MID1: variants seen among roughly 807,000 people sequenced by gnomAD.
The protein encoded by MID1 is E3 ubiquitin-protein ligase Midline-1.
In MID1, 7 loss-of-function variants were observed where a neutral mutation model predicts 40.4. That is an observed-to-expected ratio of 0.17 (90% CI 0.10 to 0.33). The LOEUF is 0.33. Ranked by LOEUF, MID1 falls within the 10% of genes least tolerant of loss-of-function variation. The pLI is 1.00. For synonymous variants in MID1, 229 were observed against 221.2 expected (o/e 1.04, Z -0.31); for missense variants, 367 against 558.5 (o/e 0.66, Z 3.46).
At chrX:10,460,605 C>T (rs1928967921) in intron 7 of MID1, among the ~76,000 whole-genome samples, 1 of 111,029 alleles carries the variant, frequency 9.0e-6, no homozygotes, top group African/African-American at 3.3e-5. Context: ...TTTCCAAACC[C>T]TTGGTGACCA....
At chrX:10,528,881 A>C (rs1602353402) in intron 2 of MID1, among the ~76,000 whole-genome samples, 1 of 112,156 alleles carries the variant, frequency 8.9e-6, no homozygotes, top group East Asian at 2.8e-4. Context: ...AATAATCTGA[A>C]GAAAATTAAA....
intron 1 of MID1, among the ~76,000 whole-genome samples, chrX:10,711,721 C>A (rs995887788): frequency 8.9e-6 from 1 of 112,693 alleles, no homozygotes; most frequent in African/African-American, 3.2e-5. Context: ...TAGTGACCAG[C>A]TGTTGAAAGT....
At chrX:10,510,976 C>A (rs139318036) in intron 3 of MID1, among the ~76,000 whole-genome samples, 3,048 of 106,539 alleles carry the variant, frequency 0.029, 119 homozygotes, top group African/African-American at 0.099. Context: ...TGGGCGTGGT[C>A]GCTCATGCCT....
chrX:10,569,158 T>C (rs903920567), intron 1 of MID1, among the ~76,000 whole-genome samples: 1 of 112,226 alleles, frequency 8.9e-6, no homozygotes, highest in African/African-American at 3.2e-5. Flanking sequence ...AATACCAATA[T>C]GGTGCTTTGG....
chrX:10,468,692 T>C (rs964578041), intron 7 of MID1, among the ~76,000 whole-genome samples: 1 of 111,609 alleles, frequency 9.0e-6, no homozygotes, highest in Non-Finnish European at 1.9e-5. Context: ...CTGCTACTAC[T>C]GCTATTTGAA....
intron 1 of MID1, among the ~76,000 whole-genome samples, chrX:10,588,557 G>T (rs1183399969): frequency 1.2e-4 from 12 of 102,542 alleles, no homozygotes; most frequent in Middle Eastern, 5.0e-3. Context: ...GTATACTGTT[G>T]TTTTTTTTTT....
intron 1 of MID1, among the ~76,000 whole-genome samples, chrX:10,664,755 G>A (rs2042939076): frequency 8.9e-6 from 1 of 111,774 alleles, no homozygotes; most frequent in African/African-American, 3.3e-5. Context: ...AAGCCTCCGT[G>A]ATGGCTCCTG....
intron 1 of MID1, among the ~76,000 whole-genome samples, chrX:10,827,014 G>T (rs759529421): frequency 1.8e-5 from 2 of 111,653 alleles, no homozygotes; most frequent in Non-Finnish European, 3.8e-5. Context: ...TAATTGGAAA[G>T]AAATCCATGA....
chrX:10,593,530 C>T (rs1472045686), intron 1 of MID1, among the ~76,000 whole-genome samples: 1 of 111,342 alleles, frequency 9.0e-6, no homozygotes, highest in Non-Finnish European at 1.9e-5. Flanking sequence ...CAAAAAGAGA[C>T]CTCTAGTCTT....
chrX:10,787,912 T>A (rs1233439247), intron 1 of MID1, among the ~76,000 whole-genome samples: 1 of 111,160 alleles, frequency 9.0e-6, no homozygotes, highest in Admixed American at 9.6e-5. Flanking sequence ...GATATAATGC[T>A]TTACAGTTTA....
Position 10,468,744 on chromosome X carries a change from A to T in MID1, c.1285+953T>A, listed in dbSNP as rs1929525276. Reference sequence around the variant, plus strand: ...TGATGCCAGATATCAAATAGGCCTCAGTGAGAGGGGGCACCTCTAATGTTT... The same window carrying T: ...TGATGCCAGATATCAAATAGGCCTCTGTGAGAGGGGGCACCTCTAATGTTT... On this transcript the variant is annotated intron_variant, in intron 7 of 9. Transcript: ENST00000317552. Among the ~76,000 whole-genome samples, 3 of 111,685 alleles carry T rather than the reference A, an allele frequency of 2.7e-5. No individual in the cohort carries two copies. In the South Asian group the frequency reaches 1.2e-3, roughly 43 times the overall value.
chrX:10,578,913 TTCTA>T (rs1402272489), intron 1 of MID1, among the ~76,000 whole-genome samples: 1 of 112,624 alleles, frequency 8.9e-6, no homozygotes, highest in East Asian at 2.8e-4. Flanking sequence ...TGATAGGTAT[TTCTA>T]TATATATTCA....
intron 1 of MID1, among the ~76,000 whole-genome samples, chrX:10,817,561 T>C (rs781345802): frequency 2.0e-5 from 2 of 102,076 alleles, no homozygotes; most frequent in East Asian, 5.9e-4. Flanking sequence ...TCTTTCTTTC[T>C]TTCTTTCTTT....
At chrX:10,590,666 T>C (rs866203637) in intron 1 of MID1, among the ~76,000 whole-genome samples, 9 of 112,606 alleles carry the variant, frequency 8.0e-5, no homozygotes, top group African/African-American at 2.6e-4. Flanking sequence ...AAGCTTCTAA[T>C]GGCTTTTAAA....
At chrX:10,784,689 G>A (rs1164062197) in intron 1 of MID1, among the ~76,000 whole-genome samples, 2 of 109,931 alleles carry the variant, frequency 1.8e-5, no homozygotes, top group African/African-American at 6.6e-5. Context: ...CTGGTAATCC[G>A]CCTGCCTCGG....
At chrX:10,792,220 T>C (rs1196997391) in intron 1 of MID1, among the ~76,000 whole-genome samples, 1 of 112,287 alleles carries the variant, frequency 8.9e-6, no homozygotes, top group African/African-American at 3.2e-5. Context: ...AATAAAACTT[T>C]GGTTACAAAA....
intron 4 of MID1, among the ~76,000 whole-genome samples, chrX:10,493,920 A>G (rs886207715): frequency 5.3e-5 from 6 of 112,505 alleles, no homozygotes. Context: ...ATGAATAATT[A>G]ATTGTGACTG....
intron 1 of MID1, among the ~76,000 whole-genome samples, chrX:10,762,038 T>A (rs139046674): frequency 3.6e-5 from 4 of 111,864 alleles, no homozygotes; most frequent in Non-Finnish European, 7.5e-5. Context: ...AGAACTTCGA[T>A]GTTTGCACAT....
At chrX:10,556,765 C>T (rs891061532) in intron 2 of MID1, among the ~76,000 whole-genome samples, 4 of 112,245 alleles carry the variant, frequency 3.6e-5, no homozygotes, top group Non-Finnish European at 5.6e-5. Context: ...TACGCAACAA[C>T]GTTGTGTCAT....
Sources: gnomAD v4.1 joint callset for allele counts (sites outside exome capture counted in the v4.1 genomes callset) on GRCh38, gnomAD v4.1.1 for gene constraint, MANE v1.5 for transcripts, NCBI Gene and HGNC (gene_info 2026-07-23, HGNC 2026-07-21) for gene names.